The following SLC26A4 variants were observed in gnomAD, a reference collection of about 807,000 sequenced individuals.
SLC26A4 encodes pendrin.
Under a neutral mutation model 90.4 loss-of-function variants are expected in SLC26A4, and 93 were observed. The ratio of observed to expected loss-of-function variants is 1.03; its 90% CI spans 0.87 to 1.22. SLC26A4 has a LOEUF of 1.22. SLC26A4 is among the 50% of genes most tolerant of loss of function. SLC26A4 has a pLI of 0.00. For synonymous variants in SLC26A4, 393 were observed against 354.6 expected, an observed-to-expected ratio of 1.11 and a Z score of -1.22; for missense variants, 1,127 against 946.2, an observed-to-expected ratio of 1.19 and a Z score of -2.51.
At chr7:107,712,487 C>T in intron 19 of SLC26A4, 52 bp from the exon 20 acceptor site, 1 of 871,054 alleles carries the variant, frequency 1.1e-6, no homozygotes, top group Non-Finnish European at 2.0e-6. Flanking sequence ...TTCAGTGGAG[C>T]ATCAGGTGGG....
chr7:107,677,083 G>T (rs903720571), intron 6 of SLC26A4, among the ~76,000 whole-genome samples: 1 of 152,144 alleles, frequency 6.6e-6, no homozygotes, highest in African/African-American at 2.4e-5. Flanking sequence ...AGGCTGAGGT[G>T]AGAGGATCAC....
rs1356310961 is a variant in SLC26A4, at chr7:107,690,292, A to G, written c.1263+55A>G. 3 of 1,068,124 alleles carry G rather than the reference A, an allele frequency of 2.8e-6. No individual in the cohort carries two copies. The East Asian group carries it at 7.1e-5, about 25-fold the overall frequency. 66.2% of individuals were successfully genotyped at this position (1,068,124 alleles called of 1,614,324 possible). A position where few individuals can be genotyped will look rare whatever the true frequency, so the allele number is the denominator to read the frequency against. On this transcript the variant is annotated intron_variant, in intron 10 of 20. Transcript: ENST00000644269. ...TCAGAGAACAAGTCGAGGAATGGCAACAGAGGAAGGCTCGCACCGAGCTTA... is the reference window on the plus strand; with the variant it reads ...TCAGAGAACAAGTCGAGGAATGGCAGCAGAGGAAGGCTCGCACCGAGCTTA...
intron 8 of SLC26A4, among the ~76,000 whole-genome samples, chr7:107,686,336 ACTCCCTTTCCTCCCCTTCCTACCTTCC>A (rs1373899874): frequency 6.7e-4 from 35 of 52,536 alleles, no homozygotes; most frequent in Admixed American, 2.3e-3. Context: ...TCCTACCTGC[ACTCCCTTTCCTCCCCTTCCTACCTTCC>A]CTCCCTTTCC....
intron 19 of SLC26A4, 95 bp downstream of exon 19, chr7:107,710,294 T>C (rs1792147435): frequency 2.1e-6 from 2 of 946,292 alleles, no homozygotes; most frequent in African/African-American, 3.2e-5. Context: ...AGCTGTTGAA[T>C]TTTAAGCTAC....
chr7:107,712,135 T>C (rs1375955733), intron 19 of SLC26A4, among the ~76,000 whole-genome samples: 1 of 152,196 alleles, frequency 6.6e-6, no homozygotes. Context: ...ATTCCATTTG[T>C]GGCTGTTTTT....
intron 19 of SLC26A4, among the ~76,000 whole-genome samples, chr7:107,710,734 G>T (rs1197635365): frequency 1.3e-5 from 2 of 152,150 alleles, no homozygotes; most frequent in East Asian, 3.8e-4. Context: ...AGCGCATCTG[G>T]CTCCAGAATA....
chr7:107,667,460 T>TAA (rs1562820547), intron 3 of SLC26A4, among the ~76,000 whole-genome samples: 5,350 of 26,434 alleles, frequency 0.2, 1,020 homozygotes, highest in African/African-American at 0.38. Flanking sequence ...GAGAGAAGGT[T>TAA]TAAAAAAAAA....
Position 107,717,489 on chromosome 7 carries a change from T to G in SLC26A4, c.*2043T>G, listed in dbSNP as rs1014224224. 1 of 152,646 alleles carries G rather than the reference T, an allele frequency of 6.6e-6. No individual in the cohort carries two copies. The highest frequency in any genetic ancestry group is 2.4e-5 in the African/African-American group (1 of 41,462). The allele number at this position is 152,646 out of a possible 1,614,324, so 9.5% of individuals were successfully genotyped here. ...TTTTGAAGGAAATGCCAAAGTTACG[T>G]TTTACAACAAGGCTAGAGTTTGTAA... On this transcript the variant is annotated 3_prime_UTR_variant, in exon 21 of 21. Coordinates refer to ENST00000644269, the MANE Select transcript of SLC26A4 (RefSeq NM_000441.2).
At chr7:107,694,279 G>C in intron 10 of SLC26A4, 124 bp from the exon 11 acceptor site, 1 of 762,968 alleles carries the variant, frequency 1.3e-6, no homozygotes, top group Non-Finnish European at 2.3e-6. Context: ...GTATTGAGCA[G>C]AAGGGGGAGA....
intron 10 of SLC26A4, chr7:107,691,973 C>A (rs1791588962): frequency 7.8e-7 from 1 of 1,288,546 alleles, no homozygotes; most frequent in African/African-American, 1.5e-5. Flanking sequence ...GACAAGCTCT[C>A]CAGAGCACAT....
rs758016867 is a variant in SLC26A4, at chr7:107,663,322, T to A, written c.191T>A (p.Val64Glu). 1.2e-5 allele frequency: 19 copies of A among 1,614,212 alleles called. No homozygotes were observed. Among genetic ancestry groups the A allele is most frequent in the Non-Finnish European group, 1.6e-5 (19 of 1,180,018 alleles). Residue 64 changes from valine to glutamate, a missense_variant, in exon 3 of 21, where the codon GTG (valine) becomes GAG (glutamate). By Grantham distance (121) the Val-to-Glu change is moderately radical. Coordinates refer to ENST00000644269, the MANE Select transcript of SLC26A4 (RefSeq NM_000441.2). ...TGTTCAAGAAAGAGAGCCTTTGGTG[T>A]GCTAAAGACTCTTGTGCCCATCTTG... ...CSCSRKRAFG[V>E]LKTLVPILEW...
chr7:107,671,542 C>G (rs546583088), intron 3 of SLC26A4, among the ~76,000 whole-genome samples: 4 of 152,186 alleles, frequency 2.6e-5, no homozygotes, highest in Non-Finnish European at 5.9e-5. Flanking sequence ...TCAACTGAGT[C>G]CATTCATTTG....
chr7:107,675,714 C>G (rs1053492234), intron 6 of SLC26A4, among the ~76,000 whole-genome samples: 1 of 151,738 alleles, frequency 6.6e-6, no homozygotes, highest in Non-Finnish European at 1.5e-5. Flanking sequence ...GCTGGGATTA[C>G]AGGCGCCCGC....
chr7:107,707,239 G>A (rs979987734), intron 18 of SLC26A4, among the ~76,000 whole-genome samples: 1 of 152,124 alleles, frequency 6.6e-6, no homozygotes, highest in African/African-American at 2.4e-5. Context: ...AAAAGAACCA[G>A]CAATGTTTCA....
At chr7:107,703,546 T>A (rs1791956037) in intron 17 of SLC26A4, among the ~76,000 whole-genome samples, 1 of 152,234 alleles carries the variant, frequency 6.6e-6, no homozygotes, top group African/African-American at 2.4e-5. Context: ...ACTCTAAGCA[T>A]TGGCTGAGAT....
chr7:107,692,047 G>A (rs1335041702), intron 10 of SLC26A4: 1 of 1,289,156 alleles, frequency 7.8e-7, no homozygotes, highest in Non-Finnish European at 1.0e-6. Flanking sequence ...GTTACCTCCA[G>A]GCTCAAATGA....
chr7:107,662,862 G>A (rs766113023), intron 2 of SLC26A4, among the ~76,000 whole-genome samples: 2 of 152,058 alleles, frequency 1.3e-5, no homozygotes, highest in Non-Finnish European at 2.9e-5. Flanking sequence ...TAAGATTTTT[G>A]TAAAAACTAG....
At chr7:107,706,018 A>G (rs1792028263) in intron 18 of SLC26A4, among the ~76,000 whole-genome samples, 1 of 152,248 alleles carries the variant, frequency 6.6e-6, no homozygotes, top group Admixed American at 6.5e-5. Context: ...GTAGCCAGAT[A>G]TTAGTGAAAG....
At chr7:107,664,540 G>A (rs967684746) in intron 3 of SLC26A4, among the ~76,000 whole-genome samples, 1 of 152,166 alleles carries the variant, frequency 6.6e-6, no homozygotes, top group African/African-American at 2.4e-5. Context: ...CCTCCCACAC[G>A]TGGATCTTGA....
Sources: allele counts gnomAD v4.1 joint callset (sites outside exome capture counted in the v4.1 genomes callset), GRCh38; gene constraint gnomAD v4.1.1; transcripts MANE v1.5; gene names NCBI Gene and HGNC (gene_info 2026-07-23, HGNC 2026-07-21).